The following NPAS3 variants were observed in gnomAD, a reference collection of about 807,000 sequenced individuals.
NPAS3 encodes the protein neuronal PAS domain-containing protein 3.
In NPAS3, 14 loss-of-function variants were observed where a neutral mutation model predicts 73.1. That is an observed-to-expected ratio of 0.19 (90% CI 0.13 to 0.30). NPAS3 has a LOEUF of 0.30. Ranked by LOEUF, NPAS3 falls within the 10% of genes least tolerant of loss-of-function variation. The pLI is 1.00. For missense variants in NPAS3, 1,096 were observed against 1,250.0 expected, an observed-to-expected ratio of 0.88 and a Z score of 1.86; for synonymous variants, 620 against 541.5, an observed-to-expected ratio of 1.14 and a Z score of -2.01.
At chr14:33,644,087 A>G (rs752766730) in intron 5 of NPAS3, among the ~76,000 whole-genome samples, 2 of 152,096 alleles carry the variant, frequency 1.3e-5, no homozygotes, top group African/African-American at 2.4e-5. Flanking sequence ...TTCTTGTGTC[A>G]CTCGCTCTTC....
chr14:33,105,110 A>G (rs933317210), intron 2 of NPAS3, among the ~76,000 whole-genome samples: 1 of 152,194 alleles, frequency 6.6e-6, no homozygotes, highest in South Asian at 2.1e-4. Flanking sequence ...TTTGTATAAA[A>G]GATGTAAAGG....
intron 6 of NPAS3, among the ~76,000 whole-genome samples, chr14:33,686,043 T>C (rs1468888698): frequency 6.6e-6 from 1 of 152,200 alleles, no homozygotes; most frequent in East Asian, 1.9e-4. Context: ...GAGGAGATAG[T>C]GCTGCTATCC....
chr14:33,419,675 G>A (rs77906871), intron 4 of NPAS3, among the ~76,000 whole-genome samples: 488 of 151,982 alleles, frequency 3.2e-3, no homozygotes, highest in African/African-American at 0.011. Flanking sequence ...TTTTTAGAAG[G>A]AAACCTACTT....
At chr14:33,341,576 T>G (rs541560849) in intron 3 of NPAS3, among the ~76,000 whole-genome samples, 32 of 151,494 alleles carry the variant, frequency 2.1e-4, no homozygotes, top group Non-Finnish European at 4.1e-4. Flanking sequence ...GATGGCAGAG[T>G]GGGGCGATCT....
upstream of NPAS3, among the ~76,000 whole-genome samples, chr14:32,938,860 C>T (rs1351354702): frequency 9.6e-5 from 14 of 146,408 alleles, no homozygotes; most frequent in Non-Finnish European, 1.8e-4. Flanking sequence ...CCTCCCCCTC[C>T]TCCTCCTCCG....
chr14:33,328,446 C>CTTT (rs58411120), intron 3 of NPAS3, among the ~76,000 whole-genome samples: 2 of 49,598 alleles, frequency 4.0e-5, no homozygotes, highest in Admixed American at 2.4e-4. Flanking sequence ...CTTTTCTTTT[C>CTTT]TTTTTTTTTT....
intron 5 of NPAS3, among the ~76,000 whole-genome samples, chr14:33,627,549 G>C (rs189165821): frequency 1.3e-5 from 2 of 152,130 alleles, no homozygotes; most frequent in African/African-American, 2.4e-5. Flanking sequence ...GACTTTTCAG[G>C]TTTTCTTAGA....
At chr14:33,215,299 C>T (rs1484656483) in exon 3 of NPAS3, 2 of 1,563,376 alleles carry the variant, frequency 1.3e-6, no homozygotes, top group African/African-American at 2.7e-5. Flanking sequence ...CCATTACCAG[C>T]CAGCTCGACA....
At chr14:33,727,663 A>G (rs1595510825) in intron 6 of NPAS3, among the ~76,000 whole-genome samples, 1 of 152,180 alleles carries the variant, frequency 6.6e-6, no homozygotes, top group East Asian at 1.9e-4. Flanking sequence ...AGAAATAGAA[A>G]GGGGGGAAAG....
intron 5 of NPAS3, among the ~76,000 whole-genome samples, chr14:33,672,826 T>C (rs890491068): frequency 4.6e-5 from 7 of 152,240 alleles, no homozygotes; most frequent in African/African-American, 1.7e-4. Flanking sequence ...GCATTTTAAC[T>C]TCTCGGGACT....
chr14:33,780,283 A>G (rs2062938978), intron 9 of NPAS3, among the ~76,000 whole-genome samples: 2 of 152,362 alleles, frequency 1.3e-5, no homozygotes, highest in South Asian at 2.1e-4. Flanking sequence ...TGGCTCTTCA[A>G]TTAATTGGGG....
At chr14:33,238,590 T>C (rs1422736673) in intron 3 of NPAS3, among the ~76,000 whole-genome samples, 1 of 152,004 alleles carries the variant, frequency 6.6e-6, no homozygotes, top group Non-Finnish European at 1.5e-5. Flanking sequence ...TGCATGTTGT[T>C]TTAGAAGTCT....
intron 4 of NPAS3, among the ~76,000 whole-genome samples, chr14:33,475,572 A>G (rs2050988473): frequency 6.7e-6 from 1 of 149,948 alleles, no homozygotes; most frequent in Admixed American, 6.6e-5. Flanking sequence ...AAAAAGCCTA[A>G]TTTTATAAAC....
chr14:33,144,837 T>C (rs190508649), intron 2 of NPAS3, among the ~76,000 whole-genome samples: 1 of 152,312 alleles, frequency 6.6e-6, no homozygotes, highest in Admixed American at 6.5e-5. Context: ...CAAATGATCC[T>C]CCTATCTTGG....
chr14:33,156,786 A>G lies in NPAS3; in HGVS notation c.141-58396A>G, dbSNP rs778393688. Among the ~76,000 whole-genome samples, 10 of 152,142 alleles carry G rather than the reference A, an allele frequency of 6.6e-5. No homozygotes were observed. In the South Asian group the frequency reaches 1.0e-3, roughly 16 times the overall value. ...TTTTAATTCTTCTCTTTTGCATTTT[A>G]GTTCTCAGAGAAGTCACAGTGCACT... On this transcript the variant is annotated intron_variant, in intron 2 of 11. Transcript: ENST00000356141.
In NPAS3 at chr14:33,612,909, C is replaced by T. The variant is rs140691409; in HGVS notation, c.558+52699C>T. On this transcript the variant is annotated intron_variant, in intron 5 of 11. Coordinates refer to ENST00000356141, the Ensembl canonical transcript of NPAS3. ...TTTCTTAACTTTTTAAATTGTTTTTCGTTTTCACTTTAATTGCATAAAAGG... is the reference window on the plus strand; with the variant it reads ...TTTCTTAACTTTTTAAATTGTTTTTTGTTTTCACTTTAATTGCATAAAAGG... Among the ~76,000 whole-genome samples, 145 of 152,078 alleles carry T rather than the reference C, an allele frequency of 9.5e-4. 2 individuals are homozygous for T. Among genetic ancestry groups the T allele is most frequent in the African/African-American group, 3.0e-3 (125 of 41,486 alleles).
intron 2 of NPAS3, among the ~76,000 whole-genome samples, chr14:33,166,112 G>T (rs1437227324): frequency 6.6e-6 from 1 of 152,136 alleles, no homozygotes; most frequent in African/African-American, 2.4e-5. Context: ...TGTCAGACCG[G>T]CCTCATAGGC....
intron 5 of NPAS3, among the ~76,000 whole-genome samples, chr14:33,571,648 A>T (rs1198418929): frequency 6.6e-6 from 1 of 152,358 alleles, no homozygotes; most frequent in South Asian, 2.1e-4. Context: ...GTGCAAAAGG[A>T]GGCTGCTTAG....
chr14:33,548,048 G>A (rs1042749859), intron 4 of NPAS3, among the ~76,000 whole-genome samples: 3 of 152,282 alleles, frequency 2.0e-5, no homozygotes, highest in Middle Eastern at 3.4e-3. Flanking sequence ...ATCAGGCGGA[G>A]GGCCAAGTGA....
Sources: gnomAD v4.1 joint callset for allele counts (sites outside exome capture counted in the v4.1 genomes callset) on GRCh38, gnomAD v4.1.1 for gene constraint, MANE v1.5 for transcripts, NCBI Gene and HGNC (gene_info 2026-07-23, HGNC 2026-07-21) for gene names.